VPS13D: variants seen among roughly 807,000 people sequenced by gnomAD.
VPS13D encodes the protein intermembrane lipid transfer protein VPS13D.
VPS13D carries 187 observed loss-of-function variants against 461.9 expected under a neutral mutation model. The observed-to-expected ratio is 0.40, with a 90% CI of 0.36 to 0.46. The LOEUF (loss-of-function observed/expected upper bound fraction) is 0.46. Ranked by LOEUF, VPS13D falls within the 20% of genes least tolerant of loss-of-function variation. The pLI, the probability that VPS13D is intolerant of heterozygous loss-of-function variation, is 0.60. For missense variants in VPS13D, 4,711 were observed against 5,364.9 expected (o/e 0.88, Z 3.81); for synonymous variants, 1,951 against 1,986.3 (o/e 0.98, Z 0.47).
chr1:12,358,805 CT>C (rs2101607740), intron 50 of VPS13D, among the ~76,000 whole-genome samples: 1 of 152,312 alleles, frequency 6.6e-6, no homozygotes, highest in Non-Finnish European at 1.5e-5. Flanking sequence ...CACCTAAACA[CT>C]GCCCTTTTGA....
Position 12,432,042 on chromosome 1 carries a change from A to G in VPS13D, c.12333+15215A>G, listed in dbSNP as rs569924485. Among the ~76,000 whole-genome samples, 3 of 152,294 alleles carry G rather than the reference A, an allele frequency of 2.0e-5. No homozygotes were observed. In the East Asian group the frequency reaches 5.8e-4, roughly 29 times the overall value. The stretch of plus-strand genomic sequence containing the variant: ...TTTTAAAATTTTTCTAAATGTTCAT[A>G]TGTTTTTCTCTGTATGTTGTTAGAA... On this transcript the variant is annotated intron_variant, in intron 65 of 69. Coordinates refer to ENST00000620676, the MANE Select transcript of VPS13D (RefSeq NM_015378.4).
intron 65 of VPS13D, among the ~76,000 whole-genome samples, chr1:12,450,069 G>T (rs2100376617): frequency 6.6e-6 from 1 of 152,294 alleles, no homozygotes; most frequent in Middle Eastern, 3.4e-3. Context: ...GTTGCAGTGA[G>T]CTGTGATCGC....
At chr1:12,401,948 T>C (rs1553188841) in intron 62 of VPS13D, among the ~76,000 whole-genome samples, 1 of 152,228 alleles carries the variant, frequency 6.6e-6, no homozygotes. Flanking sequence ...GAGTATCCAG[T>C]GGTATACCTT....
rs1374399475 is a variant in VPS13D, at chr1:12,230,462, GCA to G, written c.-77+346_-77+347del. ...GAGCCCGAGCCCCCGCTGGACCCCG[GCA>G]CACTTTCCGGGGTCCCAGCAGCCTG... On this transcript the variant is annotated intron_variant, in intron 1 of 69. Transcript: ENST00000620676. Among the ~76,000 whole-genome samples the G allele has an allele frequency of 5.9e-5, 9 of 152,220 alleles. No individual in the cohort carries two copies. In the East Asian group the frequency reaches 1.4e-3, roughly 23 times the overall value.
chr1:12,295,747 G>A (rs1642258903), intron 24 of VPS13D, among the ~76,000 whole-genome samples: 2 of 152,236 alleles, frequency 1.3e-5, no homozygotes, highest in Middle Eastern at 3.4e-3. Flanking sequence ...GAACATCTGT[G>A]AACCCACCTC....
rs576468157 is a variant in VPS13D at position 12,469,212 on chromosome 1, C to T, written c.12662+8816C>T. On this transcript the variant is annotated intron_variant, in intron 67 of 69. Coordinates refer to ENST00000620676, the MANE Select transcript of VPS13D (RefSeq NM_015378.4). ...TTTTAGAACAGAGGGTCTCAAAATA[C>T]GGTCTAGGGACCCCCTGCGGAACCC... 3.3e-5 allele frequency among the ~76,000 whole-genome samples: 5 copies of T among 152,218 alleles called. No individual in the cohort carries two copies. In the East Asian group the frequency reaches 5.8e-4, roughly 18 times the overall value.
chr1:12,503,205 T>TAA (rs2100556269), intron 68 of VPS13D, among the ~76,000 whole-genome samples: 1 of 152,336 alleles, frequency 6.6e-6, no homozygotes, highest in East Asian at 1.9e-4. Context: ...CACCCACTCT[T>TAA]AGCACCTGTC....
intron 63 of VPS13D, 124 bp from the exon 64 acceptor site, chr1:12,414,963 C>T (rs996662354): frequency 1.1e-5 from 12 of 1,126,016 alleles, no homozygotes; most frequent in Non-Finnish European, 1.5e-5. Flanking sequence ...TATTTATAAA[C>T]ATCAAAACCT....
intron 65 of VPS13D, among the ~76,000 whole-genome samples, chr1:12,436,953 C>T (rs1368868831): frequency 6.6e-6 from 1 of 152,198 alleles, no homozygotes; most frequent in Non-Finnish European, 1.5e-5. Flanking sequence ...CACGCGTGAG[C>T]CACCGCTCCT....
intron 10 of VPS13D, among the ~76,000 whole-genome samples, chr1:12,259,550 C>T (rs753616307): frequency 2.6e-5 from 4 of 152,046 alleles, no homozygotes; most frequent in African/African-American, 4.8e-5. Context: ...GCAATTTGCC[C>T]GCTTTGGCCT....
intron 67 of VPS13D, among the ~76,000 whole-genome samples, chr1:12,490,980 C>T (rs914168819): frequency 1.3e-5 from 2 of 152,294 alleles, no homozygotes; most frequent in South Asian, 2.1e-4. Context: ...AGACAGACTG[C>T]GGGGTTTCTC....
chr1:12,464,813 G>A (rs1645460680), intron 67 of VPS13D: 1 of 152,228 alleles, frequency 6.6e-6, no homozygotes, highest in Admixed American at 6.5e-5. Context: ...GTACAAGTAT[G>A]TGTGGTTTGG....
chr1:12,368,565 C>G lies in VPS13D; in HGVS notation c.10546C>G (p.Pro3516Ala). ...TAGTGACACAGATCAGTTACCTCCT[C>G]CTTTCCGAATTGACAACTTTTCTAA... ...SFSDTDQLPP[P>A]FRIDNFSKVP... Residue 3516 changes from proline (P) to alanine (A), a missense_variant, in exon 53 of 70, where the codon CCT becomes GCT. By Grantham distance (27) the Pro-to-Ala change is conservative. Around this residue, in one of 3 missense-constraint regions of VPS13D, gnomAD observed 4,411 missense variants for 4,937.8 expected, o/e 0.89. Transcript: ENST00000620676. 6.2e-7 allele frequency: 1 copy of G among 1,613,334 alleles called. No individual in the cohort carries two copies. The highest frequency in any genetic ancestry group is 1.1e-5 in the South Asian group (1 of 90,920).
chr1:12,456,655 A>G (rs1056411886), intron 66 of VPS13D, among the ~76,000 whole-genome samples: 103 of 149,624 alleles, frequency 6.9e-4, no homozygotes, highest in Non-Finnish European at 1.2e-3. Context: ...AAAAAAAAAA[A>G]AAAAAGAAAA....
intron 10 of VPS13D, among the ~76,000 whole-genome samples, chr1:12,260,165 A>G (rs1641062507): frequency 6.6e-6 from 1 of 151,786 alleles, no homozygotes; most frequent in Non-Finnish European, 1.5e-5. Flanking sequence ...AGCTGGGACT[A>G]CAGGCGCCTG....
intron 55 of VPS13D, among the ~76,000 whole-genome samples, chr1:12,378,193 C>T (rs911038175): frequency 4.6e-5 from 7 of 152,134 alleles, no homozygotes; most frequent in African/African-American, 1.7e-4. Context: ...TTAAAATGCA[C>T]ATTATTTGTA....
chr1:12,387,563 CTAAT>C (rs755019233), intron 60 of VPS13D, among the ~76,000 whole-genome samples: 4 of 150,576 alleles, frequency 2.7e-5, no homozygotes, highest in Non-Finnish European at 5.9e-5. Context: ...AGTAGGGAGA[CTAAT>C]TGGTCAAAAC....
intron 12 of VPS13D, 36 bp from the exon 13 acceptor site, chr1:12,261,865 G>A (rs758980497): frequency 2.5e-5 from 38 of 1,539,176 alleles, no homozygotes; most frequent in East Asian, 1.1e-4. Flanking sequence ...ATTCTTCCAC[G>A]TTTTTTCTTA....
intron 35 of VPS13D, among the ~76,000 whole-genome samples, chr1:12,324,554 C>G (rs1224340851): frequency 6.6e-6 from 1 of 152,132 alleles, no homozygotes; most frequent in Non-Finnish European, 1.5e-5. Context: ...TCCTTACTGT[C>G]TGCCACTACC....
Sources: allele counts gnomAD v4.1 joint callset (sites outside exome capture counted in the v4.1 genomes callset), GRCh38; gene constraint gnomAD v4.1.1; regional missense constraint gnomAD v4.1.1; transcripts MANE v1.5; gene names NCBI Gene and HGNC (gene_info 2026-07-23, HGNC 2026-07-21).